Variants in PEG3 observed in about 807,000 individuals in gnomAD.
The protein encoded by PEG3 is paternally-expressed gene 3 protein.
PEG3 carries 23 observed loss-of-function variants against 35.5 expected under a neutral mutation model. That is an observed-to-expected ratio of 0.65 (90% CI 0.47 to 0.92). The LOEUF is 0.92. PEG3 is among the 40% of genes least tolerant of loss of function. The pLI is 0.00. For synonymous variants in PEG3, 707 were observed against 697.0 expected (o/e 1.01, Z -0.23); for missense variants, 1,960 against 1,985.3 (o/e 0.99, Z 0.24).
chr19:56,835,156 C>A (rs1222690665), intron 2 of PEG3, among the ~76,000 whole-genome samples: 4 of 152,092 alleles, frequency 2.6e-5, no homozygotes, highest in Non-Finnish European at 5.9e-5. Flanking sequence ...AAGTTGGTCT[C>A]CCCACACCCA....
chr19:56,810,843 T>G lies in PEG3; in HGVS notation c.*2832A>C. On this transcript the variant is annotated 3_prime_UTR_variant, in exon 10 of 10. Coordinates refer to ENST00000326441, the MANE Select transcript of PEG3 (RefSeq NM_006210.3). The stretch of plus-strand genomic sequence containing the variant: ...TAGGTAATTTTTTAAAATAATTTAC[T>G]TTATTTTCTAATTTTTCCTCTGGGT... 1 of 965,246 alleles carries G rather than the reference T, an allele frequency of 1.0e-6. No homozygotes were observed. The highest frequency in any genetic ancestry group is 4.8e-5 in the South Asian group (1 of 20,908). The allele number at this position is 965,246 out of a possible 1,614,324, so 59.8% of individuals were successfully genotyped here.
At position 56,813,955 on chromosome 19, in the gene PEG3, TG is replaced by T. The variant is rs1304540549; in HGVS notation, c.4486del (p.Gln1496LysfsTer5). Reference sequence around the variant, plus strand: ...GTATGGTTCTTCTACCTGAATCTCTTGATCTTCACCTTCTTCTGGGTCTTCA... The same window carrying T: ...GTATGGTTCTTCTACCTGAATCTCTTATCTTCACCTTCTTCTGGGTCTTCA... The part of the protein sequence containing the change: ...GIEDPEEGED[Q>X]EIQVEEPYYD... On this transcript the variant is annotated frameshift_variant, in exon 10 of 10. Coordinates refer to ENST00000326441, the MANE Select transcript of PEG3 (RefSeq NM_006210.3). LOFTEE classifies it low-confidence loss of function (END_TRUNC). 1 of 1,614,040 alleles carries T rather than the reference TG, an allele frequency of 6.2e-7. No homozygotes were observed. Among genetic ancestry groups the T allele is most frequent in the Non-Finnish European group, 8.5e-7 (1 of 1,180,002 alleles).
intron 4 of PEG3, among the ~76,000 whole-genome samples, 184 bp from the exon 5 acceptor site, chr19:56,823,863 G>A (rs1157505669): frequency 3.3e-5 from 5 of 152,066 alleles, no homozygotes; most frequent in Non-Finnish European, 7.4e-5. Context: ...AAAACTGGGT[G>A]GGGGGAGCAT....
Position 56,817,164 on chromosome 19 carries a change from C to G in PEG3, c.1278G>C (p.Met426Ile). Reference protein sequence around the residue: ...FECGSEMRKAMSVSSLSSLSS... With the variant: ...FECGSEMRKAISVSSLSSLSS... ...TGAGGCTGCTCAGGCTGCTCACGCT[C>G]ATGGCTTTTCTCATCTCACTACCAC... is the stretch of plus-strand genomic sequence containing the variant. The change falls in exon 10 of 10, where the codon ATG becomes ATC. Residue 426 changes from methionine (M) to isoleucine (I), a missense_variant. By Grantham distance (10) the Met-to-Ile change is conservative. Transcript: ENST00000326441. The G allele has an allele frequency of 6.2e-7, 1 of 1,614,206 alleles. No individual in the cohort carries two copies. The highest frequency in any genetic ancestry group is 8.5e-7 in the Non-Finnish European group (1 of 1,180,030).
rs757997031 is a variant in PEG3, at chr19:56,824,663, A to G, written c.-8T>C. 3.8e-6 allele frequency: 6 copies of G among 1,585,770 alleles called. No homozygotes were observed. In the East Asian group the frequency reaches 1.4e-4, roughly 36 times the overall value. ...GTGCTTTGGAGGCAGCATTTCTCTA[A>G]GTAAAATTTTCACTGGAGGAACCAA... On this transcript the variant is annotated 5_prime_UTR_variant, in exon 4 of 10. Transcript: ENST00000326441.
At chr19:56,831,737 C>T (rs1200215500) in intron 2 of PEG3, among the ~76,000 whole-genome samples, 2 of 152,234 alleles carry the variant, frequency 1.3e-5, no homozygotes, top group Non-Finnish European at 2.9e-5. Flanking sequence ...AAATAAAACA[C>T]AGCACTACAT....
At position 56,816,506 on chromosome 19, in the gene PEG3, G is replaced by C; in HGVS notation, c.1936C>G (p.Gln646Glu). The C allele has an allele frequency of 6.2e-7, 1 of 1,613,042 alleles. No homozygotes were observed. Among genetic ancestry groups the C allele is most frequent in the South Asian group, 1.1e-5 (1 of 91,004 alleles). ...GGGTTCCCTCTAGTATGGATTTTCTGATGTTCTTTCAGGGATGAGCTATGA... is the reference window on the plus strand; with the variant it reads ...GGGTTCCCTCTAGTATGGATTTTCTCATGTTCTTTCAGGGATGAGCTATGA... ...FLHSSSLKEH[Q>E]KIHTRGNPFE... The change falls in exon 10 of 10, where the codon CAG becomes GAG. Residue 646 changes from glutamine to glutamate, a missense_variant. By Grantham distance (29) the Gln-to-Glu change is conservative. Coordinates refer to ENST00000326441, the MANE Select transcript of PEG3 (RefSeq NM_006210.3).
rs2059680386 is a variant in PEG3, at chr19:56,813,445, G to A, written c.*230C>T. On this transcript the variant is annotated 3_prime_UTR_variant, in exon 10 of 10. Transcript: ENST00000326441. ...CTGATTACTTGGAAAGGTAAGATGTGTGCTATGGCTTTCCCACATGCAGAC... is the reference window on the plus strand; with the variant it reads ...CTGATTACTTGGAAAGGTAAGATGTATGCTATGGCTTTCCCACATGCAGAC... 11 of 1,367,374 alleles carry A rather than the reference G, an allele frequency of 8.0e-6. No homozygotes were observed. The highest frequency in any genetic ancestry group is 9.4e-6 in the Non-Finnish European group (10 of 1,060,296). 84.7% of individuals were successfully genotyped at this position (1,367,374 alleles called of 1,614,324 possible).
rs370487905 is a variant in PEG3 at position 56,822,744 on chromosome 19, A to G, written c.565+9T>C. 3.3e-5 allele frequency: 54 copies of G among 1,613,838 alleles called. No individual in the cohort carries two copies. The African/African-American group carries it at 6.4e-4, about 19-fold the overall frequency. On this transcript the variant is annotated intron_variant, in intron 6 of 9. Transcript: ENST00000326441. ...TCTCCTACTGGGAAAGAAAGTGGTT[A>G]AGACTCACTGCTTCTTGGGTTCCTG...
At chr19:56,817,712 T>C (rs771947855) in intron 9 of PEG3, 34 bp downstream of exon 9, 1 of 1,588,222 alleles carries the variant, frequency 6.3e-7, no homozygotes, top group South Asian at 1.1e-5. Context: ...TCACTGGTTG[T>C]GTGGCTCCTC....
intron 1 of PEG3, among the ~76,000 whole-genome samples, chr19:56,838,993 G>T (rs1001847313): frequency 3.4e-5 from 5 of 147,190 alleles, no homozygotes; most frequent in Non-Finnish European, 7.5e-5. Context: ...CGCATCTGCC[G>T]CCAACCAATC....
chr19:56,824,784 G>T, intron 3 of PEG3, 43 bp from the exon 4 acceptor site: 3 of 904,034 alleles, frequency 3.3e-6, no homozygotes, highest in South Asian at 3.5e-5. Flanking sequence ...AGAAGTTGAA[G>T]ACCAGGCAGC....
In PEG3 at chr19:56,817,132, G is replaced by T. The variant is rs777113236; in HGVS notation, c.1310C>A (p.Pro437His). ...AATTGGCTGTGACTCGGTAAAGGAG[G>T]GGGAGCTGAGGCTGCTCAGGCTGCT... ...SVSSLSSLSSPSFTESQPIDF... is the reference protein window; with the variant it reads ...SVSSLSSLSSHSFTESQPIDF... The change falls in exon 10 of 10, where the codon CCC becomes CAC. Residue 437 changes from proline (P) to histidine (H), a missense_variant. This residue lies in a region of PEG3 where 613 missense variants were observed against 577.1 expected (regional missense o/e 1.06). Coordinates refer to ENST00000326441, the MANE Select transcript of PEG3 (RefSeq NM_006210.3). 3 of 1,614,106 alleles carry T rather than the reference G, an allele frequency of 1.9e-6. No homozygotes were observed. In the South Asian group the frequency reaches 3.3e-5, roughly 18 times the overall value.
chr19:56,838,366 G>A (rs1364654440), intron 1 of PEG3, among the ~76,000 whole-genome samples: 1 of 152,200 alleles, frequency 6.6e-6, no homozygotes, highest in Non-Finnish European at 1.5e-5. Flanking sequence ...GCGCCACCCT[G>A]TGGCTAGCAC....
At chr19:56,836,554 C>T (rs2062127618) in intron 1 of PEG3, among the ~76,000 whole-genome samples, 1 of 152,196 alleles carries the variant, frequency 6.6e-6, no homozygotes, top group African/African-American at 2.4e-5. Flanking sequence ...TCCCACTGCA[C>T]CTCAGAGTAT....
At chr19:56,826,177 C>G (rs1389670386) in intron 3 of PEG3, among the ~76,000 whole-genome samples, 2 of 152,148 alleles carry the variant, frequency 1.3e-5, no homozygotes, top group Non-Finnish European at 2.9e-5. Flanking sequence ...CCAGAGAGTC[C>G]AGGCTCCAGA....
chr19:56,814,175 C>T lies in PEG3; in HGVS notation c.4267G>A (p.Glu1423Lys). The stretch of plus-strand genomic sequence containing the variant: ...TCTGCAGCCTCTCCATCTGGCCCTT[C>T]AGCCTCTCCGTTTGGCTCAGCAGCC... Reference protein sequence around the residue: ...VEAAEPNGEAEGPDGEAAEPI... With the variant: ...VEAAEPNGEAKGPDGEAAEPI... Residue 1423 changes from glutamate to lysine, a missense_variant, in exon 10 of 10, where the codon GAA (glutamate) becomes AAA (lysine). Glu to Lys is a moderately conservative substitution (Grantham distance 56, BLOSUM62 1). This residue lies in a region of PEG3 where 416 missense variants were observed against 416.7 expected (regional missense o/e 1.00). Coordinates refer to ENST00000326441, the MANE Select transcript of PEG3 (RefSeq NM_006210.3). The surrounding 1 kb of genome is among the most constrained non-coding windows in gnomAD (Gnocchi z 5.8). 6.2e-6 allele frequency: 10 copies of T among 1,614,138 alleles called. No individual in the cohort carries two copies. The South Asian group carries it at 1.1e-4, about 18-fold the overall frequency.
rs766689714 is a variant in PEG3 at position 56,816,007 on chromosome 19, G to C, written c.2435C>G (p.Ala812Gly). The change falls in exon 10 of 10, where the codon GCT (alanine) becomes GGT (glycine). Residue 812 changes from alanine to glycine, a missense_variant. By Grantham distance (60) the Ala-to-Gly change is moderately conservative. This residue lies in a region of PEG3 where 798 missense variants were observed against 782.4 expected (regional missense o/e 1.02). Coordinates refer to ENST00000326441, the MANE Select transcript of PEG3 (RefSeq NM_006210.3). ...AGCACGAACTCTCTGATGGTTGATA[G>C]CATCGAAGCTCTGAATGGTAGACTC... ...MAESTIQSFD[A>G]INHQRVRAGG... 5 of 1,588,040 alleles carry C rather than the reference G, an allele frequency of 3.1e-6. No homozygotes were observed. The Admixed American group carries it at 8.8e-5, about 28-fold the overall frequency.
chr19:56,822,517 C>G (rs1244300123), intron 6 of PEG3: 3 of 417,642 alleles, frequency 7.2e-6, no homozygotes, highest in Non-Finnish European at 8.3e-6. Flanking sequence ...TTTAATGCAC[C>G]AGCTTAAGAA....
Sources: gnomAD v4.1 joint callset for allele counts (sites outside exome capture counted in the v4.1 genomes callset) on GRCh38, gnomAD v4.1.1 for gene constraint, gnomAD v4.1.1 regional missense constraint, Gnocchi (gnomAD v3.1) non-coding constraint, MANE v1.5 for transcripts, NCBI Gene and HGNC (gene_info 2026-07-23, HGNC 2026-07-21) for gene names.